Variants in LRP1B observed in about 807,000 individuals in gnomAD.
LRP1B encodes low-density lipoprotein receptor-related protein 1B.
Under a neutral mutation model 556.6 loss-of-function variants are expected in LRP1B, and 217 were observed. That is an observed-to-expected ratio of 0.39 (90% CI 0.35 to 0.44). The LOEUF (loss-of-function observed/expected upper bound fraction) is 0.44, where lower values mean the gene tolerates loss of function less well. LRP1B is among the 20% of genes least tolerant of loss of function. LRP1B has a pLI of 1.00. For synonymous variants in LRP1B, 2,047 were observed against 1,865.8 expected, an observed-to-expected ratio of 1.10 and a Z score of -2.50; for missense variants, 5,053 against 5,620.8, an observed-to-expected ratio of 0.90 and a Z score of 3.23.
intron 7 of LRP1B, among the ~76,000 whole-genome samples, chr2:141,076,394 G>A (rs967941452): frequency 1.3e-5 from 2 of 152,138 alleles, no homozygotes; most frequent in African/African-American, 2.4e-5. Flanking sequence ...TCTGGCAAGA[G>A]GATTAATACT....
At chr2:140,977,576 A>G (rs1696641640) in intron 18 of LRP1B, among the ~76,000 whole-genome samples, 1 of 135,932 alleles carries the variant, frequency 7.4e-6, no homozygotes, top group South Asian at 2.6e-4. Flanking sequence ...ATTTCTTATT[A>G]GGGTGGTGCA....
At chr2:140,260,920 A>AT (rs1002576642) in intron 86 of LRP1B, among the ~76,000 whole-genome samples, 8 of 150,702 alleles carry the variant, frequency 5.3e-5, no homozygotes, top group Non-Finnish European at 4.4e-5. Context: ...CACAAAGCCA[A>AT]TTTTTTTTTG....
chr2:142,033,683 A>G (rs1012251454), intron 1 of LRP1B, among the ~76,000 whole-genome samples: 3 of 151,720 alleles, frequency 2.0e-5, no homozygotes, highest in Non-Finnish European at 4.4e-5. Context: ...TATCCTAGGC[A>G]TTCCAATGAG....
intron 2 of LRP1B, among the ~76,000 whole-genome samples, chr2:141,761,137 T>C (rs527989447): frequency 6.6e-6 from 1 of 152,306 alleles, no homozygotes; most frequent in East Asian, 1.9e-4. Flanking sequence ...GGAAACACTC[T>C]TCATTAAGTT....
chr2:141,363,035 A>G (rs951346581), intron 3 of LRP1B, among the ~76,000 whole-genome samples: 2 of 152,174 alleles, frequency 1.3e-5, no homozygotes, highest in African/African-American at 4.8e-5. Context: ...CCAATCATAA[A>G]AAGTTCAAAT....
intron 20 of LRP1B, among the ~76,000 whole-genome samples, chr2:140,932,592 C>T (rs1049277476): frequency 1.3e-5 from 2 of 151,938 alleles, no homozygotes; most frequent in African/African-American, 4.8e-5. Context: ...ACAATAACAA[C>T]CCAGGCACAG....
At chr2:142,108,230 C>A (rs1706826830) in intron 1 of LRP1B, among the ~76,000 whole-genome samples, 1 of 151,792 alleles carries the variant, frequency 6.6e-6, no homozygotes, top group South Asian at 2.1e-4. Context: ...CAGACATGTT[C>A]TCTGAAATAA....
intron 84 of LRP1B, among the ~76,000 whole-genome samples, chr2:140,285,132 T>C (rs760467286): frequency 3.4e-4 from 51 of 149,564 alleles, no homozygotes; most frequent in Non-Finnish European, 6.6e-4. Flanking sequence ...TATATATGTG[T>C]GTGTGTAGAT....
chr2:140,487,790 T>C, intron 57 of LRP1B, 51 bp from the exon 58 acceptor site: 1 of 1,281,802 alleles, frequency 7.8e-7, no homozygotes, highest in Non-Finnish European at 1.1e-6. Context: ...GAAATAATTA[T>C]AAAATGTTTT....
intron 2 of LRP1B, among the ~76,000 whole-genome samples, chr2:141,679,102 G>C (rs893392708): frequency 2.0e-5 from 3 of 152,216 alleles, no homozygotes; most frequent in Admixed American, 6.5e-5. Flanking sequence ...AAAGAACTGA[G>C]GGAGGCCCCT....
In LRP1B at chr2:141,644,839, T is replaced by C. The variant is rs1208777962; in HGVS notation, c.206-164306A>G. Among the ~76,000 whole-genome samples, 4 of 151,560 alleles carry C rather than the reference T, an allele frequency of 2.6e-5. No individual in the cohort carries two copies. In the East Asian group the frequency reaches 7.8e-4, roughly 29 times the overall value. ...AAAAAATAGACTTGGAACTCATTCCTCCTGATCCATCTATCAGCATCAGCA... is the reference window on the plus strand; with the variant it reads ...AAAAAATAGACTTGGAACTCATTCCCCCTGATCCATCTATCAGCATCAGCA... On this transcript the variant is annotated intron_variant, in intron 2 of 90. Transcript: ENST00000389484.
At chr2:141,829,388 G>T (rs1697038334) in intron 1 of LRP1B, among the ~76,000 whole-genome samples, 1 of 151,988 alleles carries the variant, frequency 6.6e-6, no homozygotes, top group Non-Finnish European at 1.5e-5. Flanking sequence ...AATATTTAAG[G>T]ATGAGATTTT....
chr2:140,857,474 TG>T (rs1692654594), intron 27 of LRP1B, among the ~76,000 whole-genome samples: 1 of 152,188 alleles, frequency 6.6e-6, no homozygotes, highest in Non-Finnish European at 1.5e-5. Flanking sequence ...ATTTTCCCTA[TG>T]ACAGACATCT....
intron 7 of LRP1B, among the ~76,000 whole-genome samples, chr2:141,100,518 G>T (rs1045744428): frequency 6.6e-6 from 1 of 152,170 alleles, no homozygotes; most frequent in African/African-American, 2.4e-5. Flanking sequence ...CATGTTGATG[G>T]AAGAAGTTAT....
At chr2:141,386,845 G>A (rs1221853712) in intron 3 of LRP1B, among the ~76,000 whole-genome samples, 1 of 151,878 alleles carries the variant, frequency 6.6e-6, no homozygotes, top group Admixed American at 6.6e-5. Flanking sequence ...ATCAGGGACT[G>A]GATAAACACT....
intron 2 of LRP1B, among the ~76,000 whole-genome samples, chr2:141,637,727 C>T (rs1268387530): frequency 6.6e-6 from 1 of 152,152 alleles, no homozygotes; most frequent in Non-Finnish European, 1.5e-5. Flanking sequence ...CAGGTACATG[C>T]TTACGCTGTG....
At position 140,886,074 on chromosome 2, in the gene LRP1B, G is replaced by A. The variant is rs932194195; in HGVS notation, c.3964+64C>T. 9.6e-5 allele frequency: 95 copies of A among 992,168 alleles called. 1 individual carries two copies. The highest frequency in any genetic ancestry group is 6.3e-4 in the Middle Eastern group (2 of 3,182). 61.5% of individuals were successfully genotyped at this position (992,168 alleles called of 1,614,324 possible). ...AATCAAAATTTCTTCTAGTTATAAC[G>A]TGTTCTTTGAATTTTCACTTAAAAA... On this transcript the variant is annotated intron_variant, in intron 24 of 90. Transcript: ENST00000389484.
intron 6 of LRP1B, among the ~76,000 whole-genome samples, chr2:141,211,386 C>T (rs1235810730): frequency 1.3e-5 from 2 of 151,452 alleles, no homozygotes; most frequent in Admixed American, 6.6e-5. Context: ...CTTTGGGAGA[C>T]CAAGGCAGGT....
chr2:141,234,109 T>C (rs1207414650), intron 5 of LRP1B, among the ~76,000 whole-genome samples: 2 of 152,028 alleles, frequency 1.3e-5, no homozygotes, highest in South Asian at 2.1e-4. Context: ...AAACAGAAAG[T>C]TGTAATCTAT....
Sources: allele counts gnomAD v4.1 joint callset (sites outside exome capture counted in the v4.1 genomes callset), GRCh38; gene constraint gnomAD v4.1.1; transcripts MANE v1.5; gene names NCBI Gene and HGNC (gene_info 2026-07-23, HGNC 2026-07-21).